Variants in WSB2 observed in about 807,000 individuals in gnomAD.
WSB2 encodes the protein WD repeat and SOCS box-containing protein 2.
Under a neutral mutation model 48.8 loss-of-function variants are expected in WSB2, and 12 were observed. The ratio of observed to expected loss-of-function variants is 0.25; its 90% CI spans 0.16 to 0.40. The LOEUF (loss-of-function observed/expected upper bound fraction) is 0.40, where lower values mean the gene tolerates loss of function less well. WSB2 is among the 10% of genes least tolerant of loss of function. The pLI is 1.00. For synonymous variants in WSB2, 191 were observed against 203.1 expected (o/e 0.94, Z 0.51); for missense variants, 317 against 506.2 (o/e 0.63, Z 3.59).
At chr12:118,051,392 T>C (rs904634680) in intron 2 of WSB2, among the ~76,000 whole-genome samples, 4 of 152,188 alleles carry the variant, frequency 2.6e-5, no homozygotes, top group Non-Finnish European at 4.4e-5. Context: ...CATCAACTGA[T>C]AAATGTACGA....
At chr12:118,061,241 G>C (rs1225899093), upstream of WSB2, 3 of 951,144 alleles carry the variant, frequency 3.2e-6, no homozygotes, top group Admixed American at 1.9e-4. Context: ...GGGAAACGGA[G>C]GGGGGGTGCG....
At chr12:118,045,714 GAAA>G (rs796232418) in intron 2 of WSB2, among the ~76,000 whole-genome samples, 4 of 72,058 alleles carry the variant, frequency 5.6e-5, no homozygotes, top group African/African-American at 1.3e-4. Flanking sequence ...CTGTCTCAAA[GAAA>G]AAAAAAAAAA....
At chr12:118,052,525 T>C (rs772191141) in intron 1 of WSB2, 47 bp from the exon 2 acceptor site, 1 of 1,608,442 alleles carries the variant, frequency 6.2e-7, no homozygotes, top group Non-Finnish European at 8.5e-7. Context: ...CCTTGCTCCC[T>C]GACCACCCAG....
intron 1 of WSB2, among the ~76,000 whole-genome samples, chr12:118,059,715 G>C (rs952539289): frequency 2.2e-5 from 3 of 136,744 alleles, no homozygotes; most frequent in Non-Finnish European, 3.3e-5. Context: ...AAATCAAACG[G>C]AAGCTATAAA....
intron 8 of WSB2, among the ~76,000 whole-genome samples, 157 bp from the exon 9 acceptor site, chr12:118,034,515 T>C (rs1013901090): frequency 6.6e-6 from 1 of 151,710 alleles, no homozygotes; most frequent in Non-Finnish European, 1.5e-5. Context: ...ATTGTGGTGC[T>C]GAATAATTAA....
chr12:118,061,120 C>T lies in WSB2; in HGVS notation c.-72G>A. The T allele has an allele frequency of 3.1e-6, 3 of 980,722 alleles. No homozygotes were observed. Among genetic ancestry groups the T allele is most frequent in the Non-Finnish European group, 3.6e-6 (3 of 828,046 alleles). 60.8% of individuals were successfully genotyped at this position (980,722 alleles called of 1,614,324 possible). On this transcript the variant is annotated 5_prime_UTR_variant, in exon 1 of 9. Coordinates refer to ENST00000315436, the MANE Select transcript of WSB2 (RefSeq NM_018639.5). ...CCCGGGCCGCGGGCCCTCATGCCGC[C>T]CCCGCGCCGCCCGCCCCGGCCAGGC...
intron 1 of WSB2, among the ~76,000 whole-genome samples, chr12:118,055,368 G>A (rs2031936285): frequency 6.6e-6 from 1 of 152,090 alleles, no homozygotes; most frequent in Non-Finnish European, 1.5e-5. Flanking sequence ...ACAATGCCAA[G>A]GCTGAGAAAC....
Position 118,036,324 on chromosome 12 carries a change from G to A in WSB2, c.833+14C>T, listed in dbSNP as rs2031508940. 6.2e-7 allele frequency: 1 copy of A among 1,608,830 alleles called. No homozygotes were observed. Among genetic ancestry groups the A allele is most frequent in the Non-Finnish European group, 8.5e-7 (1 of 1,176,532 alleles). On this transcript the variant is annotated intron_variant, in intron 6 of 8. Transcript: ENST00000315436. ...CCCCCCACAAAAAAGTCATAGCAGG[G>A]ATTCAGTCCTTACTGGAGTGACCTC...
intron 8 of WSB2, 97 bp downstream of exon 8, chr12:118,034,889 A>C (rs752697955): frequency 7.9e-5 from 95 of 1,200,752 alleles, no homozygotes; most frequent in Non-Finnish European, 1.0e-4. Flanking sequence ...AGCTTTCCTC[A>C]TAGGCAAGAA....
chr12:118,034,154 A>G lies in WSB2; in HGVS notation c.*42T>C, dbSNP rs2137757241. 6.2e-7 allele frequency: 1 copy of G among 1,611,312 alleles called. No individual in the cohort carries two copies. The highest frequency in any genetic ancestry group is 1.3e-5 in the African/African-American group (1 of 74,986). On this transcript the variant is annotated 3_prime_UTR_variant, in exon 9 of 9. Coordinates refer to ENST00000315436, the MANE Select transcript of WSB2 (RefSeq NM_018639.5). ...TATTCCAGCAACTCCCTTTGACAGGACGATTTACCCTGCTACAAAGAAGCA... is the reference window on the plus strand; with the variant it reads ...TATTCCAGCAACTCCCTTTGACAGGGCGATTTACCCTGCTACAAAGAAGCA...
upstream of WSB2, chr12:118,061,250 C>A (rs574176472): frequency 1.7e-4 from 159 of 926,792 alleles, no homozygotes; most frequent in East Asian, 2.4e-4. Context: ...AGGGGGGGTG[C>A]GGACGGGATA....
At chr12:118,036,540 G>A (rs757515142) in intron 5 of WSB2, 30 bp from the exon 6 acceptor site, 1 of 1,591,004 alleles carries the variant, frequency 6.3e-7, no homozygotes, top group Non-Finnish European at 8.6e-7. Flanking sequence ...CCTGGTTAGG[G>A]CAGAAGCAAA....
At position 118,036,423 on chromosome 12, in the gene WSB2, C is replaced by CG. The variant is rs1566135727; in HGVS notation, c.747dup (p.Asp250ArgfsTer34). 1 of 1,614,126 alleles carries CG rather than the reference C, an allele frequency of 6.2e-7. No homozygotes were observed. ...GAAGCCGTGACAAGCAGGGCAGAGTCGGGGGAGAAGTCACAAGAGACAACA... is the reference window on the plus strand; with the variant it reads ...GAAGCCGTGACAAGCAGGGCAGAGTCGGGGGGAGAAGTCACAAGAGACAACA... On this transcript the variant is annotated frameshift_variant, in exon 6 of 9. Coordinates refer to ENST00000315436, the MANE Select transcript of WSB2 (RefSeq NM_018639.5). LOFTEE classifies it high-confidence loss of function.
chr12:118,057,330 A>G (rs540117137), intron 1 of WSB2, among the ~76,000 whole-genome samples: 1 of 152,026 alleles, frequency 6.6e-6, no homozygotes, highest in Admixed American at 6.6e-5. Flanking sequence ...GCTGGAGTGC[A>G]GTGGCGCCAT....
chr12:118,041,931 T>G (rs2031645913), intron 4 of WSB2, among the ~76,000 whole-genome samples: 1 of 151,766 alleles, frequency 6.6e-6, no homozygotes, highest in African/African-American at 2.4e-5. Flanking sequence ...ATTTTTGTAT[T>G]TTTTAGTAGA....
At chr12:118,055,686 C>T (rs1261983167) in intron 1 of WSB2, among the ~76,000 whole-genome samples, 1 of 139,644 alleles carries the variant, frequency 7.2e-6, no homozygotes, top group Non-Finnish European at 1.5e-5. Context: ...ACAATCTCGG[C>T]TCACTGCAAC....
chr12:118,034,465 G>T, intron 8 of WSB2, 107 bp from the exon 9 acceptor site: 1 of 1,355,648 alleles, frequency 7.4e-7, no homozygotes, highest in Admixed American at 2.3e-5. Flanking sequence ...GGAGACTTCG[G>T]AGAGTGAAAT....
intron 4 of WSB2, among the ~76,000 whole-genome samples, chr12:118,040,302 T>A (rs1270145751): frequency 6.6e-6 from 1 of 151,996 alleles, no homozygotes; most frequent in African/African-American, 2.4e-5. Context: ...ATTCCCCTCC[T>A]CTCCTTGAAA....
chr12:118,061,968 A>T, upstream of WSB2: 1 of 833,838 alleles, frequency 1.2e-6, no homozygotes, highest in Non-Finnish European at 1.8e-6. Context: ...TGGCTCCGGT[A>T]ATGGGAGAGG....
Sources: allele counts gnomAD v4.1 joint callset (sites outside exome capture counted in the v4.1 genomes callset), GRCh38; gene constraint gnomAD v4.1.1; transcripts MANE v1.5; gene names NCBI Gene and HGNC (gene_info 2026-07-23, HGNC 2026-07-21).